Variants in BCAS3 observed in about 807,000 individuals in gnomAD.
BCAS3 encodes the protein BCAS4/BCAS3 fusion.
A neutral mutation model predicts 116.1 loss-of-function variants in BCAS3; 53 were observed. That is an observed-to-expected ratio of 0.46 (90% CI 0.37 to 0.57). The LOEUF is 0.57. Among genes scored for constraint, BCAS3 ranks in the 20% least tolerant of loss-of-function variants. The pLI, the probability that BCAS3 is intolerant of heterozygous loss-of-function variation, is 0.00. For synonymous variants in BCAS3, 391 were observed against 408.2 expected (o/e 0.96, Z 0.51); for missense variants, 917 against 1,165.4 (o/e 0.79, Z 3.10).
intron 22 of BCAS3, chr17:61,135,857 A>G (rs1310078287): frequency 6.6e-6 from 1 of 152,330 alleles, no homozygotes; most frequent in Admixed American, 6.5e-5. Flanking sequence ...TGCGGCCTAA[A>G]GATACTTACT....
intron 7 of BCAS3, among the ~76,000 whole-genome samples, chr17:60,847,650 CT>C (rs1484894542): frequency 2.0e-5 from 3 of 152,098 alleles, no homozygotes; most frequent in Admixed American, 6.5e-5. Flanking sequence ...GGAAAAATGT[CT>C]ATTCAATTCC....
At chr17:61,245,404 CAG>C (rs1237295421) in intron 22 of BCAS3, 1 of 151,620 alleles carries the variant, frequency 6.6e-6, no homozygotes, top group African/African-American at 2.4e-5. Flanking sequence ...TTTTTAGAGA[CAG>C]GGTCTTGTTA....
intron 22 of BCAS3, among the ~76,000 whole-genome samples, chr17:61,218,989 A>C (rs1010592234): frequency 6.6e-6 from 1 of 152,204 alleles, no homozygotes; most frequent in Admixed American, 6.5e-5. Context: ...CATTGTTTTC[A>C]ACACAAGTAG....
At chr17:61,066,686 C>A (rs540517114) in intron 19 of BCAS3, among the ~76,000 whole-genome samples, 1 of 152,068 alleles carries the variant, frequency 6.6e-6, no homozygotes, top group East Asian at 1.9e-4. Flanking sequence ...TGCAGATGAA[C>A]TTTTTTGATA....
chr17:61,333,048 C>T lies in BCAS3; in HGVS notation c.2426-35279C>T, dbSNP rs536702376. On this transcript the variant is annotated intron_variant, in intron 22 of 23. Transcript: ENST00000407086. This position sits in a 1 kb window ranked among gnomAD's most constrained non-coding sequence, Gnocchi z 4.8. Reference sequence around the variant, plus strand: ...TTTCTAGAATACTGCCCTCCCTAAACCTACACTGCTGCAGCCTGGAGGTTC... The same window carrying T: ...TTTCTAGAATACTGCCCTCCCTAAATCTACACTGCTGCAGCCTGGAGGTTC... 1.7e-4 allele frequency among the ~76,000 whole-genome samples: 26 copies of T among 152,312 alleles called. No homozygotes were observed. In the South Asian group the frequency reaches 5.0e-3, roughly 29 times the overall value.
intron 23 of BCAS3, among the ~76,000 whole-genome samples, chr17:61,375,682 C>T (rs2059304005): frequency 2.0e-5 from 3 of 151,728 alleles, no homozygotes; most frequent in Non-Finnish European, 1.5e-5. Flanking sequence ...CAGCGATTCT[C>T]CTGCCTCAGC....
At position 61,129,019 on chromosome 17, in the gene BCAS3, G is replaced by A. The variant is rs1177019541; in HGVS notation, c.2425+44455G>A. Among the ~76,000 whole-genome samples, 3 of 152,196 alleles carry A rather than the reference G, an allele frequency of 2.0e-5. No individual in the cohort carries two copies. The East Asian group carries it at 5.8e-4, about 29-fold the overall frequency. ...TGGCAGCTGATCCAGCCAAGGAAAC[G>A]CTCACGCAAGGGCAGAGCTAGACAG... On this transcript the variant is annotated intron_variant, in intron 22 of 23. Coordinates refer to ENST00000407086, the MANE Select transcript of BCAS3 (RefSeq NM_017679.5).
intron 22 of BCAS3, among the ~76,000 whole-genome samples, chr17:61,334,677 A>AC (rs1172251652): frequency 1.4e-5 from 2 of 141,948 alleles, no homozygotes; most frequent in South Asian, 2.1e-4. Context: ...AAAAAAAAAA[A>AC]AAAAAAAAAA....
chr17:61,063,174 G>C lies in BCAS3; in HGVS notation c.2030-11746G>C, dbSNP rs1012851109. Among the ~76,000 whole-genome samples, 2 of 152,074 alleles carry C rather than the reference G, an allele frequency of 1.3e-5. No homozygotes were observed. The highest frequency in any genetic ancestry group is 2.9e-5 in the Non-Finnish European group (2 of 68,016). On this transcript the variant is annotated intron_variant, in intron 19 of 23. Transcript: ENST00000407086. The surrounding 1 kb of genome is among the most constrained non-coding windows in gnomAD (Gnocchi z 5.3). ...CTTTTGCTTTGACTGCACCACTTCT[G>C]CCTTTTGGTAGCCATTGCTTTGATT...
chr17:61,045,858 TATATATAA>T lies in BCAS3; in HGVS notation c.2029+4974_2029+4981del, dbSNP rs2068027366. On this transcript the variant is annotated intron_variant, in intron 19 of 23. Coordinates refer to ENST00000407086, the MANE Select transcript of BCAS3 (RefSeq NM_017679.5). ...CTCTCTCTCTCTCTCTCTATATATA[TATATATAA>T]ATATATATAAATATATATTATATAT... Among the ~76,000 whole-genome samples, 2 of 492 alleles carry T rather than the reference TATATATAA, an allele frequency of 4.1e-3. 1 individual carries two copies. Among genetic ancestry groups the T allele is most frequent in the Admixed American group, 0.11 (2 of 18 alleles). The allele number at this position is 492 out of a possible 152,430, so 0.3% of individuals were successfully genotyped here.
At position 61,200,841 on chromosome 17, in the gene BCAS3, A is replaced by G. The variant is rs1021033983; in HGVS notation, c.2425+116277A>G. Among the ~76,000 whole-genome samples the G allele has an allele frequency of 6.6e-6, 1 of 152,144 alleles. No individual in the cohort carries two copies. Among genetic ancestry groups the G allele is most frequent in the Non-Finnish European group, 1.5e-5 (1 of 68,028 alleles). On this transcript the variant is annotated intron_variant, in intron 22 of 23. Transcript: ENST00000407086. The surrounding 1 kb of genome is among the most constrained non-coding windows in gnomAD (Gnocchi z 5.1). ...GGAAAATGTACTTTTTTGATGGGCT[A>G]CCTTTCCTCTTTCCTGCCTCATCCA... is the stretch of plus-strand genomic sequence containing the variant.
At chr17:60,826,810 A>G (rs1274380759) in intron 7 of BCAS3, among the ~76,000 whole-genome samples, 3 of 152,226 alleles carry the variant, frequency 2.0e-5, no homozygotes, top group African/African-American at 4.8e-5. Flanking sequence ...ACCAGAAGAT[A>G]GTAGTCTATA....
chr17:60,976,037 T>TTTTC, intron 14 of BCAS3, among the ~76,000 whole-genome samples: 1 of 136,546 alleles, frequency 7.3e-6, no homozygotes, highest in Non-Finnish European at 1.6e-5. Flanking sequence ...TTTTTTTTTT[T>TTTTC]TTTCTTTTTG....
chr17:60,920,572 T>C (rs372395030), intron 12 of BCAS3, among the ~76,000 whole-genome samples: 3 of 152,042 alleles, frequency 2.0e-5, no homozygotes, highest in Non-Finnish European at 4.4e-5. Context: ...ATGGCTGTTA[T>C]TAAAAAGTCA....
chr17:61,142,263 C>T (rs1375050845), intron 22 of BCAS3, among the ~76,000 whole-genome samples: 10 of 152,116 alleles, frequency 6.6e-5, no homozygotes, highest in African/African-American at 2.4e-4. Context: ...ATTGGCAGAG[C>T]CAAATTTAAA....
intron 22 of BCAS3, among the ~76,000 whole-genome samples, chr17:61,321,364 C>T (rs1449087079): frequency 6.6e-6 from 1 of 152,208 alleles, no homozygotes; most frequent in Non-Finnish European, 1.5e-5. Flanking sequence ...CCCCACCTCC[C>T]ATCTCCCTTC....
At chr17:61,031,612 T>TAC (rs1488640782) in intron 16 of BCAS3, among the ~76,000 whole-genome samples, 1 of 152,114 alleles carries the variant, frequency 6.6e-6, no homozygotes, top group Non-Finnish European at 1.5e-5. Context: ...TTTGCTGAAA[T>TAC]ACCACAATCA....
intron 15 of BCAS3, 61 bp from the exon 16 acceptor site, chr17:61,015,690 T>C (rs568819029): frequency 1.7e-4 from 266 of 1,545,516 alleles, no homozygotes; most frequent in Non-Finnish European, 2.3e-4. Context: ...CTATCGGAGA[T>C]AGAGAACGGG....
At chr17:60,854,015 A>G (rs2053427656) in intron 7 of BCAS3, among the ~76,000 whole-genome samples, 1 of 151,988 alleles carries the variant, frequency 6.6e-6, no homozygotes, top group Non-Finnish European at 1.5e-5. Context: ...CTCGTCTTTT[A>G]CATTAGGTTT....
Sources: allele counts gnomAD v4.1 joint callset (sites outside exome capture counted in the v4.1 genomes callset), GRCh38; gene constraint gnomAD v4.1.1; non-coding constraint Gnocchi (gnomAD v3.1); transcripts MANE v1.5; gene names NCBI Gene and HGNC (gene_info 2026-07-23, HGNC 2026-07-21).